The following NCOA7 variants were observed in gnomAD, a reference collection of about 807,000 sequenced individuals.
NCOA7 encodes the protein 140 kDa estrogen receptor-associated protein.
A neutral mutation model predicts 104.3 loss-of-function variants in NCOA7; 45 were observed. That is an observed-to-expected ratio of 0.43 (90% CI 0.34 to 0.55). The LOEUF is 0.55. Ranked by LOEUF, NCOA7 falls within the 20% of genes least tolerant of loss-of-function variation. NCOA7 has a pLI of 0.02. For missense variants in NCOA7, 1,041 were observed against 1,119.7 expected (o/e 0.93, Z 1.00); for synonymous variants, 398 against 402.3 (o/e 0.99, Z 0.13).
At chr6:125,798,837 T>C (rs935880783) in intron 1 of NCOA7, among the ~76,000 whole-genome samples, 12 of 152,248 alleles carry the variant, frequency 7.9e-5, no homozygotes, top group East Asian at 1.9e-4. Context: ...CCGATTTTTA[T>C]ATTTTTGACT....
chr6:125,909,047 A>G (rs1206741923), intron 10 of NCOA7, among the ~76,000 whole-genome samples: 1 of 152,200 alleles, frequency 6.6e-6, no homozygotes, highest in African/African-American at 2.4e-5. Flanking sequence ...GACTTTCCCA[A>G]AGTAGAGTAA....
intron 10 of NCOA7, among the ~76,000 whole-genome samples, chr6:125,897,704 C>G (rs1785153959): frequency 1.3e-5 from 2 of 151,680 alleles, no homozygotes; most frequent in African/African-American, 4.8e-5. Context: ...TTTGAGATGG[C>G]ATTTTGCTCT....
chr6:125,874,782 G>A, intron 3 of NCOA7, 107 bp from the exon 4 acceptor site: 1 of 748,692 alleles, frequency 1.3e-6, no homozygotes, highest in Admixed American at 2.3e-5. Context: ...TCCTATTAGT[G>A]TCTTTTTGTC....
intron 1 of NCOA7, among the ~76,000 whole-genome samples, chr6:125,808,848 T>G (rs1776698772): frequency 6.6e-6 from 1 of 152,166 alleles, no homozygotes; most frequent in African/African-American, 2.4e-5. Context: ...TCATTTAGAG[T>G]ATGTAGGAGA....
At chr6:125,917,417 G>A (rs1246033414) in intron 11 of NCOA7, among the ~76,000 whole-genome samples, 1 of 151,968 alleles carries the variant, frequency 6.6e-6, no homozygotes, top group Non-Finnish European at 1.5e-5. Context: ...CATTCCTGCT[G>A]TGCCCTGTCC....
intron 2 of NCOA7, among the ~76,000 whole-genome samples, chr6:125,850,192 A>G (rs1402710511): frequency 6.6e-6 from 1 of 152,208 alleles, no homozygotes; most frequent in East Asian, 1.9e-4. Context: ...ATTGATCTCT[A>G]TACTTGGAAG....
intron 10 of NCOA7, among the ~76,000 whole-genome samples, chr6:125,906,358 A>G (rs1205343156): frequency 1.3e-5 from 2 of 152,116 alleles, no homozygotes; most frequent in African/African-American, 4.8e-5. Flanking sequence ...AATAGAGGCT[A>G]AATATGTACT....
At chr6:125,877,114 A>G (rs1783445288) in intron 4 of NCOA7, among the ~76,000 whole-genome samples, 1 of 152,196 alleles carries the variant, frequency 6.6e-6, no homozygotes, top group Non-Finnish European at 1.5e-5. Flanking sequence ...TACTTTAGTG[A>G]TTTAAAAAAT....
At chr6:125,817,299 G>T (rs905949008) in intron 2 of NCOA7, among the ~76,000 whole-genome samples, 1 of 152,164 alleles carries the variant, frequency 6.6e-6, no homozygotes, top group Non-Finnish European at 1.5e-5. Context: ...TGCAATTGCT[G>T]GGTCAAAAGA....
chr6:125,913,668 T>C (rs1786790086), intron 10 of NCOA7: 1 of 983,912 alleles, frequency 1.0e-6, no homozygotes, highest in Non-Finnish European at 1.2e-6. Flanking sequence ...TCTAAAGAAA[T>C]ACACCTTTAA....
chr6:125,798,421 A>T (rs1775544887), intron 1 of NCOA7, among the ~76,000 whole-genome samples: 1 of 152,236 alleles, frequency 6.6e-6, no homozygotes, highest in Non-Finnish European at 1.5e-5. Context: ...AAATTAATTT[A>T]TGTAAAGTAC....
intron 1 of NCOA7, among the ~76,000 whole-genome samples, chr6:125,798,794 T>C (rs970829405): frequency 6.6e-6 from 1 of 152,220 alleles, no homozygotes; most frequent in Non-Finnish European, 1.5e-5. Context: ...ATTATAATGA[T>C]AATTATTGAA....
intron 2 of NCOA7, among the ~76,000 whole-genome samples, chr6:125,837,440 A>G (rs1779707512): frequency 6.6e-6 from 1 of 152,202 alleles, no homozygotes; most frequent in Admixed American, 6.5e-5. Flanking sequence ...CCAAGGGGGT[A>G]ATAAATGCCA....
At chr6:125,799,085 T>A (rs914121005) in intron 1 of NCOA7, among the ~76,000 whole-genome samples, 1 of 152,166 alleles carries the variant, frequency 6.6e-6, no homozygotes, top group Non-Finnish European at 1.5e-5. Context: ...CCTGGAAGTT[T>A]AATCCCAAGA....
intron 9 of NCOA7, 26 bp from the exon 10 acceptor site, chr6:125,890,616 G>T: frequency 6.3e-7 from 1 of 1,589,232 alleles, no homozygotes; most frequent in Non-Finnish European, 8.6e-7. Flanking sequence ...CAATATTGAG[G>T]AACAGTTTTT....
intron 10 of NCOA7, among the ~76,000 whole-genome samples, chr6:125,910,209 A>G (rs1245705140): frequency 6.6e-6 from 1 of 152,226 alleles, no homozygotes; most frequent in African/African-American, 2.4e-5. Context: ...GTGAATGCTA[A>G]GCCGGCTCTT....
intron 1 of NCOA7, among the ~76,000 whole-genome samples, chr6:125,805,009 TAA>T (rs1287087656): frequency 4.0e-5 from 6 of 151,494 alleles, no homozygotes; most frequent in Non-Finnish European, 8.8e-5. Flanking sequence ...GTATGAATAG[TAA>T]TGGCTAACCT....
intron 4 of NCOA7, among the ~76,000 whole-genome samples, chr6:125,876,999 A>G (rs930750327): frequency 1.3e-5 from 2 of 152,240 alleles, no homozygotes; most frequent in African/African-American, 4.8e-5. Flanking sequence ...TCATAACAAT[A>G]TGAATATAGT....
intron 1 of NCOA7, among the ~76,000 whole-genome samples, chr6:125,811,042 A>G (rs2128565294): frequency 6.6e-6 from 1 of 152,238 alleles, no homozygotes; most frequent in East Asian, 1.9e-4. Context: ...CTGTAACTTA[A>G]TTTTTATTCA....
Sources: allele counts gnomAD v4.1 joint callset (sites outside exome capture counted in the v4.1 genomes callset), GRCh38; gene constraint gnomAD v4.1.1; transcripts MANE v1.5; gene names NCBI Gene and HGNC (gene_info 2026-07-23, HGNC 2026-07-21).